MAGI1: variants seen among roughly 807,000 people sequenced by gnomAD.
MAGI1 encodes the protein membrane associated guanylate kinase, WW and PDZ domain containing 1.
In MAGI1, 58 loss-of-function variants were observed where a neutral mutation model predicts 139.9. The ratio of observed to expected loss-of-function variants is 0.41; its 90% CI spans 0.34 to 0.52. The LOEUF is 0.52. Among genes scored for constraint, MAGI1 ranks in the 20% least tolerant of loss-of-function variants. The probability of loss-of-function intolerance (pLI) is 0.12; values close to 1 mark genes in which losing one functional copy is unlikely to be tolerated. For synonymous variants in MAGI1, 812 were observed against 737.9 expected, an observed-to-expected ratio of 1.10 and a Z score of -1.63; for missense variants, 1,874 against 1,901.6, an observed-to-expected ratio of 0.99 and a Z score of 0.27.
At chr3:65,581,649 C>T (rs2081429633) in intron 2 of MAGI1, among the ~76,000 whole-genome samples, 3 of 152,138 alleles carry the variant, frequency 2.0e-5, no homozygotes, top group Admixed American at 2.0e-4. Context: ...ATACTCTCCA[C>T]TCTATCTCTT....
chr3:65,903,522 T>G (rs891414943), intron 1 of MAGI1, among the ~76,000 whole-genome samples: 4 of 152,136 alleles, frequency 2.6e-5, no homozygotes, highest in Admixed American at 6.5e-5. Context: ...TCTTATCAAA[T>G]GTAATGCAAC....
At chr3:65,705,565 A>G (rs2030097077) in intron 1 of MAGI1, among the ~76,000 whole-genome samples, 1 of 152,240 alleles carries the variant, frequency 6.6e-6, no homozygotes, top group Non-Finnish European at 1.5e-5. Context: ...TTCTTTATTC[A>G]CATGGGGAGC....
chr3:65,800,308 G>A (rs770925170), intron 1 of MAGI1, among the ~76,000 whole-genome samples: 30 of 152,148 alleles, frequency 2.0e-4, no homozygotes, highest in Non-Finnish European at 4.0e-4. Context: ...TTCAATGTAG[G>A]AGCAAGCAAA....
At chr3:65,403,874 G>A (rs1945112449) in intron 12 of MAGI1, among the ~76,000 whole-genome samples, 1 of 152,206 alleles carries the variant, frequency 6.6e-6, no homozygotes, top group South Asian at 2.1e-4. Context: ...GTAGAAAAGA[G>A]AACTGGAAAC....
intron 1 of MAGI1, among the ~76,000 whole-genome samples, chr3:66,016,527 A>C (rs1029866791): frequency 6.6e-6 from 1 of 152,226 alleles, no homozygotes. Flanking sequence ...CGACGAGGAC[A>C]CGTTGCTGGC....
intron 1 of MAGI1, among the ~76,000 whole-genome samples, chr3:65,988,091 C>A (rs561922151): frequency 1.2e-3 from 188 of 152,232 alleles, no homozygotes; most frequent in African/African-American, 3.9e-3. Flanking sequence ...AAACAAAAAA[C>A]CTCTCAGCTT....
rs762879969 is a variant in MAGI1, at chr3:65,453,282, G to T, written c.1018C>A (p.Pro340Thr). 1 of 1,613,178 alleles carries T rather than the reference G, an allele frequency of 6.2e-7. No individual in the cohort carries two copies. Among genetic ancestry groups the T allele is most frequent in the East Asian group, 2.2e-5 (1 of 44,834 alleles). The change falls in exon 6 of 23, where the codon CCA becomes ACA. Residue 340 changes from proline to threonine, a missense_variant. Pro to Thr is a conservative substitution (Grantham distance 38). Transcript: ENST00000402939. ...CCATCATCTTCACACTCTTCCAGTG[G>T]CTTCTGCTGCTTGTTTAGGCACCGA... The part of the protein sequence containing the change: ...DPRCLNKQQK[P>T]LEECEDDEGV...
In MAGI1 at chr3:65,738,759, T is replaced by C. The variant is rs116065648; in HGVS notation, c.314-116671A>G. Among the ~76,000 whole-genome samples the C allele has an allele frequency of 5.7e-3, 864 of 152,310 alleles. 9 individuals are homozygous for C. Among genetic ancestry groups the C allele is most frequent in the African/African-American group, 0.014 (569 of 41,564 alleles). ...GTCGATGAGTAGCAGTAACAATACA[T>C]TGAAAGGAATCTTTTTTCTTCTGAG... On this transcript the variant is annotated intron_variant, in intron 1 of 22. Transcript: ENST00000402939.
intron 7 of MAGI1, among the ~76,000 whole-genome samples, chr3:65,444,111 G>GT (rs1333235663): frequency 6.6e-6 from 1 of 152,110 alleles, no homozygotes; most frequent in Non-Finnish European, 1.5e-5. Context: ...AAAGAGACAG[G>GT]TTTTCCCCCC....
intron 1 of MAGI1, among the ~76,000 whole-genome samples, chr3:65,812,692 T>C (rs1337504059): frequency 2.8e-5 from 4 of 143,624 alleles, no homozygotes; most frequent in Admixed American, 7.2e-5. Context: ...TGGTTAAAGT[T>C]AGTTTACTTT....
At chr3:65,562,187 GT>G (rs1193243578) in intron 2 of MAGI1, among the ~76,000 whole-genome samples, 2 of 152,106 alleles carry the variant, frequency 1.3e-5, no homozygotes, top group African/African-American at 4.8e-5. Context: ...TCCACTGGGA[GT>G]CCTGGAATGT....
intron 1 of MAGI1, among the ~76,000 whole-genome samples, chr3:65,696,340 A>T (rs2107589996): frequency 6.6e-6 from 1 of 152,110 alleles, no homozygotes; most frequent in South Asian, 2.1e-4. Flanking sequence ...TTTTTTAATT[A>T]TCTGTTTTCT....
chr3:65,423,971 T>C (rs1029550163), intron 12 of MAGI1, among the ~76,000 whole-genome samples: 2 of 152,226 alleles, frequency 1.3e-5, no homozygotes, highest in Admixed American at 6.5e-5. Flanking sequence ...TTCTTGTATT[T>C]TGTCCTAGCA....
rs1265176798 is a variant in MAGI1 at position 65,729,051 on chromosome 3, A to T, written c.314-106963T>A. ...AAAAATTTGGACCTGGCATGGTCTG[A>T]ATCTGTGTTCTGCATTATCCAATAA... On this transcript the variant is annotated intron_variant, in intron 1 of 22. Coordinates refer to ENST00000402939, the MANE Select transcript of MAGI1 (RefSeq NM_001033057.2). 9.2e-5 allele frequency among the ~76,000 whole-genome samples: 13 copies of T among 141,602 alleles called. No homozygotes were observed. The Admixed American group carries it at 9.5e-4, about 10-fold the overall frequency. The allele number at this position is 141,602 out of a possible 152,430, so 92.9% of individuals were successfully genotyped here. A position where few individuals can be genotyped will look rare whatever the true frequency, so the allele number is the denominator to read the frequency against.
At chr3:65,725,612 C>G (rs1300645663) in intron 1 of MAGI1, among the ~76,000 whole-genome samples, 2 of 152,208 alleles carry the variant, frequency 1.3e-5, no homozygotes, top group Admixed American at 1.3e-4. Context: ...TTGACATTCT[C>G]TGGCATAGCA....
chr3:65,626,955 G>C (rs897160002), intron 1 of MAGI1, among the ~76,000 whole-genome samples: 1 of 152,200 alleles, frequency 6.6e-6, no homozygotes, highest in Non-Finnish European at 1.5e-5. Context: ...AAGACAGTTT[G>C]TCATAGCATC....
chr3:65,821,089 G>A (rs2041926386), intron 1 of MAGI1, among the ~76,000 whole-genome samples: 1 of 151,984 alleles, frequency 6.6e-6, no homozygotes, highest in Non-Finnish European at 1.5e-5. Context: ...GGCTCTTGGG[G>A]GAAGACAGGT....
At chr3:65,616,397 A>C (rs1169636145) in intron 2 of MAGI1, among the ~76,000 whole-genome samples, 1 of 152,200 alleles carries the variant, frequency 6.6e-6, no homozygotes, top group East Asian at 1.9e-4. Context: ...CTGTGGTTAA[A>C]TAGAAAAGAG....
intron 1 of MAGI1, among the ~76,000 whole-genome samples, chr3:66,011,960 A>C (rs892670061): frequency 3.3e-5 from 5 of 152,080 alleles, no homozygotes; most frequent in Admixed American, 2.6e-4. Flanking sequence ...AAAATGAGTT[A>C]ACTTTTTTAA....
Sources: gnomAD v4.1 joint callset for allele counts (sites outside exome capture counted in the v4.1 genomes callset) on GRCh38, gnomAD v4.1.1 for gene constraint, MANE v1.5 for transcripts, NCBI Gene and HGNC (gene_info 2026-07-23, HGNC 2026-07-21) for gene names.